ESRP1: variants seen among roughly 807,000 people sequenced by gnomAD.
The protein encoded by ESRP1 is RNA-binding motif protein 35A.
In ESRP1, 33 loss-of-function variants were observed where a neutral mutation model predicts 81.7. That is an observed-to-expected ratio of 0.40 (90% confidence interval 0.31 to 0.54). The LOEUF is 0.54. ESRP1 is among the 20% of genes least tolerant of loss of function. The pLI, the probability that ESRP1 is intolerant of heterozygous loss-of-function variation, is 0.41. For missense variants in ESRP1, 672 were observed against 833.1 expected (o/e 0.81, Z 2.38); for synonymous variants, 320 against 303.3 (o/e 1.06, Z -0.57).
chr8:94,663,945 A>G (rs896833390), intron 6 of ESRP1, among the ~76,000 whole-genome samples: 8 of 152,136 alleles, frequency 5.3e-5, no homozygotes, highest in Non-Finnish European at 1.0e-4. Flanking sequence ...CCTACCATGC[A>G]CACACATTCC....
At position 94,642,024 on chromosome 8, in the gene ESRP1, A is replaced by G. The variant is rs750891512; in HGVS notation, c.201A>G (p.Glu67=). The G allele has an allele frequency of 3.1e-6, 5 of 1,613,990 alleles. No individual in the cohort carries two copies. Among genetic ancestry groups the G allele is most frequent in the Non-Finnish European group, 4.2e-6 (5 of 1,179,876 alleles). ...AACTGACGGAGGACTGCAAAGAAGAAACTAAAATAGACGTCGAAAGCCTGT... is the reference window on the plus strand; with the variant it reads ...AACTGACGGAGGACTGCAAAGAAGAGACTAAAATAGACGTCGAAAGCCTGT... The part of the protein sequence containing the change: ...QLELTEDCKE[E]TKIDVESLSS... The change falls in exon 2 of 16, where the codon GAA becomes GAG. Residue 67 remains glutamate, a synonymous_variant. Transcript: ENST00000433389.
intron 15 of ESRP1, among the ~76,000 whole-genome samples, chr8:94,697,524 G>A (rs551404765): frequency 3.3e-5 from 5 of 152,302 alleles, no homozygotes; most frequent in South Asian, 4.1e-4. Flanking sequence ...CTTGTAGCAC[G>A]TGTTAATGCT....
intron 15 of ESRP1, among the ~76,000 whole-genome samples, chr8:94,702,426 T>C (rs1809876368): frequency 6.6e-6 from 1 of 152,212 alleles, no homozygotes; most frequent in Non-Finnish European, 1.5e-5. Context: ...GTCTGGACGG[T>C]TACCAGTTAA....
intron 11 of ESRP1, 75 bp from the exon 12 acceptor site, chr8:94,674,233 A>T: frequency 2.0e-6 from 3 of 1,497,394 alleles, no homozygotes; most frequent in South Asian, 2.4e-5. Context: ...GTCACTTTGC[A>T]TGTTTTGTAA....
chr8:94,665,861 T>G (rs1818993116), intron 9 of ESRP1, among the ~76,000 whole-genome samples: 1 of 152,190 alleles, frequency 6.6e-6, no homozygotes, highest in South Asian at 2.1e-4. Flanking sequence ...TACCTGGGAT[T>G]GTTGCACATG....
intron 4 of ESRP1, among the ~76,000 whole-genome samples, chr8:94,657,097 C>CT (rs1283998653): frequency 6.6e-6 from 1 of 152,210 alleles, no homozygotes; most frequent in Non-Finnish European, 1.5e-5. Context: ...CTAGACTCCT[C>CT]TAACATGCAT....
At chr8:94,696,826 CTTGT>C in intron 14 of ESRP1, 22 bp from the exon 15 acceptor site, 7 of 1,517,626 alleles carry the variant, frequency 4.6e-6, no homozygotes, top group Non-Finnish European at 6.3e-6. Flanking sequence ...GTCTTTTGAT[CTTGT>C]TTGTTTTAAC....
intron 13 of ESRP1, among the ~76,000 whole-genome samples, chr8:94,691,207 C>T (rs983068302): frequency 6.6e-6 from 1 of 152,056 alleles, no homozygotes; most frequent in Non-Finnish European, 1.5e-5. Flanking sequence ...CTGGGTTTGG[C>T]TCTCTTGAGT....
At position 94,695,371 on chromosome 8, in the gene ESRP1, T is replaced by TTTTTTTTTC. The variant is rs1351009238; in HGVS notation, c.1972-1480_1972-1479insTTTTTTTCT. 2.2e-3 allele frequency among the ~76,000 whole-genome samples: 251 copies of TTTTTTTTTC among 112,016 alleles called. 6 individuals carry two copies. Among genetic ancestry groups the TTTTTTTTTC allele is most frequent in the African/African-American group, 3.4e-3 (99 of 28,888 alleles). The allele number at this position is 112,016 out of a possible 152,430, so 73.5% of individuals were successfully genotyped here. Reference sequence around the variant, plus strand: ...TTCTTTTTTTTTTTTTTTTTTTTTTTTGAGACGGAGTCTCACTCTGTCGCC... The same window carrying TTTTTTTTTC: ...TTCTTTTTTTTTTTTTTTTTTTTTTTTTTTTTTTCTGAGACGGAGTCTCACTCTGTCGCC... On this transcript the variant is annotated intron_variant, in intron 14 of 15. Transcript: ENST00000433389.
At chr8:94,642,592 C>T (rs1817668356) in intron 2 of ESRP1, among the ~76,000 whole-genome samples, 1 of 152,124 alleles carries the variant, frequency 6.6e-6, no homozygotes, top group Non-Finnish European at 1.5e-5. Context: ...AGGCTCGGTC[C>T]GTCATTATTT....
chr8:94,683,186 C>T (rs970304154), intron 13 of ESRP1, among the ~76,000 whole-genome samples: 62 of 151,326 alleles, frequency 4.1e-4, no homozygotes, highest in African/African-American at 9.5e-4. Context: ...TCAAGTGATC[C>T]GCCCGCCTCG....
intron 12 of ESRP1, among the ~76,000 whole-genome samples, chr8:94,675,699 G>T (rs1168853157): frequency 6.6e-6 from 1 of 152,176 alleles, no homozygotes; most frequent in East Asian, 1.9e-4. Context: ...GTAAGATAAA[G>T]CATCATGTGT....
At chr8:94,694,911 C>T (rs754522113) in intron 14 of ESRP1, among the ~76,000 whole-genome samples, 4 of 152,196 alleles carry the variant, frequency 2.6e-5, no homozygotes, top group African/African-American at 9.7e-5. Context: ...ATAGGAACTT[C>T]GGTTATCTAA....
chr8:94,697,972 A>G (rs950243998), intron 15 of ESRP1, among the ~76,000 whole-genome samples: 1 of 151,920 alleles, frequency 6.6e-6, no homozygotes, highest in Non-Finnish European at 1.5e-5. Flanking sequence ...TAGTAGAGAC[A>G]GGGTTTCACT....
chr8:94,682,749 G>A (rs1372102653), intron 13 of ESRP1, among the ~76,000 whole-genome samples: 10 of 144,046 alleles, frequency 6.9e-5, no homozygotes, highest in Non-Finnish European at 1.4e-4. Context: ...AGTAGACTGC[G>A]CATGCTTGTA....
At chr8:94,682,757 G>A (rs1808946291) in intron 13 of ESRP1, among the ~76,000 whole-genome samples, 1 of 150,890 alleles carries the variant, frequency 6.6e-6, no homozygotes, top group Admixed American at 6.6e-5. Flanking sequence ...GCGCATGCTT[G>A]TATAAAAGCT....
At chr8:94,682,547 TG>T (rs1362935006) in intron 13 of ESRP1, among the ~76,000 whole-genome samples, 4 of 149,886 alleles carry the variant, frequency 2.7e-5, no homozygotes, top group Non-Finnish European at 6.0e-5. Context: ...TTTGACTTTT[TG>T]TGGAGACGGG....
At chr8:94,704,191 T>TTTTTTTA (rs1809963009) in intron 15 of ESRP1, among the ~76,000 whole-genome samples, 1 of 151,450 alleles carries the variant, frequency 6.6e-6, no homozygotes. Flanking sequence ...TTTTTTTTTT[T>TTTTTTTA]GCTAGCAGTT....
At chr8:94,676,774 A>G (rs1050028384) in intron 12 of ESRP1, among the ~76,000 whole-genome samples, 2 of 151,768 alleles carry the variant, frequency 1.3e-5, no homozygotes, top group Non-Finnish European at 2.9e-5. Flanking sequence ...CTGAGATTAC[A>G]GGCGTGAGCC....
Sources: allele counts gnomAD v4.1 joint callset (sites outside exome capture counted in the v4.1 genomes callset), GRCh38; gene constraint gnomAD v4.1.1; transcripts MANE v1.5; gene names NCBI Gene and HGNC (gene_info 2026-07-23, HGNC 2026-07-21).